The following DGKB variants were observed in gnomAD, a reference collection of about 807,000 sequenced individuals.
The protein encoded by DGKB is 90 kDa diacylglycerol kinase.
A neutral mutation model predicts 114.3 loss-of-function variants in DGKB; 67 were observed. The ratio of observed to expected loss-of-function variants is 0.59; its 90% CI spans 0.48 to 0.72. The LOEUF (loss-of-function observed/expected upper bound fraction) is 0.72, where lower values mean the gene tolerates loss of function less well. Ranked by LOEUF, DGKB falls within the 30% of genes least tolerant of loss-of-function variation. The pLI, the probability that DGKB is intolerant of heterozygous loss-of-function variation, is 0.00. For synonymous variants in DGKB, 398 were observed against 323.1 expected (o/e 1.23, Z -2.49); for missense variants, 907 against 975.2 (o/e 0.93, Z 0.93).
intron 14 of DGKB, among the ~76,000 whole-genome samples, chr7:14,627,092 A>G (rs1006172883): frequency 8.5e-5 from 13 of 152,306 alleles, no homozygotes; most frequent in Admixed American, 2.0e-4. Flanking sequence ...AAGTATAGAT[A>G]AAAAATTTTA....
At chr7:14,310,675 A>C (rs2128505266) in intron 23 of DGKB, among the ~76,000 whole-genome samples, 1 of 152,314 alleles carries the variant, frequency 6.6e-6, no homozygotes, top group South Asian at 2.1e-4. Context: ...CTGATAAAGT[A>C]GATAACAGAT....
At chr7:14,663,251 A>G (rs910745984) in intron 13 of DGKB, among the ~76,000 whole-genome samples, 2 of 151,964 alleles carry the variant, frequency 1.3e-5, no homozygotes, top group African/African-American at 2.4e-5. Flanking sequence ...CATTCTCTTC[A>G]GTGTCTGGTG....
At chr7:14,559,829 T>G (rs1055573810) in intron 20 of DGKB, among the ~76,000 whole-genome samples, 1 of 152,184 alleles carries the variant, frequency 6.6e-6, no homozygotes, top group Non-Finnish European at 1.5e-5. Flanking sequence ...CTGGGCTATT[T>G]CTAACTTAAG....
At chr7:14,865,608 A>G (rs914245545) in intron 1 of DGKB, among the ~76,000 whole-genome samples, 1 of 152,212 alleles carries the variant, frequency 6.6e-6, no homozygotes, top group African/African-American at 2.4e-5. Context: ...CCAAATGCCT[A>G]AAATGGTTCC....
chr7:14,173,255 T>C (rs1314008232), intron 25 of DGKB, among the ~76,000 whole-genome samples: 4 of 152,226 alleles, frequency 2.6e-5, no homozygotes, highest in African/African-American at 7.2e-5. Context: ...TTTCTTTTCC[T>C]GATCTTTGAA....
At chr7:14,458,547 G>C (rs550763094) in intron 21 of DGKB, among the ~76,000 whole-genome samples, 1 of 152,166 alleles carries the variant, frequency 6.6e-6, no homozygotes, top group African/African-American at 2.4e-5. Context: ...GCCCACAGAG[G>C]GTGAGCCGAA....
chr7:14,824,725 A>G (rs1845422923), intron 2 of DGKB, among the ~76,000 whole-genome samples: 1 of 151,974 alleles, frequency 6.6e-6, no homozygotes. Flanking sequence ...ATGTACATTT[A>G]CCCTTTTAAA....
chr7:14,774,232 G>C lies in DGKB; in HGVS notation c.71-16501C>G, dbSNP rs898037828. On this transcript the variant is annotated intron_variant, in intron 2 of 25. Coordinates refer to ENST00000402815, the MANE Select transcript of DGKB (RefSeq NM_001350709.2). ...ACACTTGGAAAGTATCTCCTCCAAA[G>C]TTACAGTCGATTTGGAGAAAAGCTA... Among the ~76,000 whole-genome samples, 17 of 152,294 alleles carry C rather than the reference G, an allele frequency of 1.1e-4. 1 individual carries two copies. Among genetic ancestry groups the C allele is most frequent in the Non-Finnish European group, 2.2e-4 (15 of 68,020 alleles).
intron 2 of DGKB, among the ~76,000 whole-genome samples, chr7:14,815,659 C>T (rs940449162): frequency 2.6e-5 from 4 of 152,122 alleles, no homozygotes; most frequent in African/African-American, 7.2e-5. Context: ...CTCTTGGTGA[C>T]CCCATCCCCT....
At chr7:14,680,705 C>G (rs1820674483) in intron 12 of DGKB, among the ~76,000 whole-genome samples, 1 of 151,894 alleles carries the variant, frequency 6.6e-6, no homozygotes, top group African/African-American at 2.4e-5. Context: ...GACAGTGGTT[C>G]TCATGACTGG....
intron 25 of DGKB, among the ~76,000 whole-genome samples, chr7:14,155,047 G>A (rs1431059482): frequency 6.6e-6 from 1 of 152,030 alleles, no homozygotes. Flanking sequence ...TTCAGATTCT[G>A]CTTTCGAACA....
intron 21 of DGKB, among the ~76,000 whole-genome samples, chr7:14,372,860 C>A (rs1326831874): frequency 6.6e-6 from 1 of 152,050 alleles, no homozygotes; most frequent in African/African-American, 2.4e-5. Flanking sequence ...CTTCTTTAGT[C>A]CTACTAATTA....
chr7:14,695,011 C>T (rs1282131383), intron 8 of DGKB, among the ~76,000 whole-genome samples: 3 of 151,968 alleles, frequency 2.0e-5, no homozygotes, highest in African/African-American at 7.3e-5. Context: ...AAGGAACTCA[C>T]GTCTTTATAT....
At chr7:14,922,299 G>A (rs1358962883) in intron 1 of DGKB, among the ~76,000 whole-genome samples, 2 of 151,726 alleles carry the variant, frequency 1.3e-5, no homozygotes, top group African/African-American at 4.8e-5. Flanking sequence ...TGCCATGTAC[G>A]TCTATACTCC....
intron 12 of DGKB, among the ~76,000 whole-genome samples, chr7:14,680,557 TAAAACAAAAAGGAAAACAATGAGA>T (rs1304055406): frequency 5.3e-4 from 81 of 151,714 alleles, no homozygotes; most frequent in Non-Finnish European, 2.4e-4. Flanking sequence ...GAAGAACCAT[TAAAACAAAAAGGAAAACAATGAGA>T]AAAACAAAAA....
At chr7:14,483,490 C>A (rs1440742497) in intron 20 of DGKB, among the ~76,000 whole-genome samples, 1 of 151,982 alleles carries the variant, frequency 6.6e-6, no homozygotes, top group Non-Finnish European at 1.5e-5. Flanking sequence ...AAGGACTGAG[C>A]CATTTGGGGA....
chr7:14,544,438 C>T (rs913270591), intron 20 of DGKB, among the ~76,000 whole-genome samples: 16 of 152,262 alleles, frequency 1.1e-4, no homozygotes, highest in Middle Eastern at 6.8e-3. Context: ...AATACAGTTT[C>T]ATTCAAATAA....
intron 13 of DGKB, among the ~76,000 whole-genome samples, chr7:14,668,668 T>A (rs7785265): frequency 1 from 152,051 of 152,294 alleles, 75,904 homozygotes; most frequent in Middle Eastern, 1. Flanking sequence ...TGACACCATT[T>A]ACCTTGATTC....
intron 1 of DGKB, among the ~76,000 whole-genome samples, chr7:14,866,270 C>A (rs1041912802): frequency 3.3e-5 from 5 of 152,114 alleles, no homozygotes; most frequent in African/African-American, 1.2e-4. Context: ...ACACCATAAT[C>A]ACCGAAAGTC....
Sources: gnomAD v4.1 joint callset for allele counts (sites outside exome capture counted in the v4.1 genomes callset) on GRCh38, gnomAD v4.1.1 for gene constraint, MANE v1.5 for transcripts, NCBI Gene and HGNC (gene_info 2026-07-23, HGNC 2026-07-21) for gene names.